Variants in CTR9 observed in about 807,000 individuals in gnomAD.
CTR9 encodes CTR9 component of Paf1/RNA polymerase II complex.
In CTR9, 41 loss-of-function variants were observed where a neutral mutation model predicts 152.1. The ratio of observed to expected loss-of-function variants is 0.27; its 90% CI spans 0.21 to 0.35. CTR9 has a LOEUF of 0.35. Ranked by LOEUF, CTR9 falls within the 10% of genes least tolerant of loss-of-function variation. The pLI is 1.00. For synonymous variants in CTR9, 476 were observed against 496.2 expected (o/e 0.96, Z 0.54); for missense variants, 917 against 1,424.4 (o/e 0.64, Z 5.73).
intron 12 of CTR9, among the ~76,000 whole-genome samples, chr11:10,765,731 G>C (rs1863049381): frequency 6.6e-6 from 1 of 152,154 alleles, no homozygotes; most frequent in African/African-American, 2.4e-5. Context: ...CAAAGTGCTG[G>C]GATTATAGGC....
At chr11:10,776,487 A>G (rs543503277) in intron 24 of CTR9, among the ~76,000 whole-genome samples, 121 of 152,226 alleles carry the variant, frequency 7.9e-4, no homozygotes, top group South Asian at 1.7e-3. Context: ...GGATTTCTCA[A>G]CCAGGTCTCT....
rs144498813 is a variant in CTR9, at chr11:10,752,879, C to A, written c.144+109C>A. 2.5e-3 allele frequency: 2,013 copies of A among 808,758 alleles called. 32 individuals are homozygous for A. The African/African-American group carries it at 0.031, about 12-fold the overall frequency. 50.1% of individuals were successfully genotyped at this position (808,758 alleles called of 1,614,324 possible). ...TTGGCTGCATGGTAGATTAGTTATA[C>A]CATGTGTATGGAAGTTAATTGTGTT... On this transcript the variant is annotated intron_variant, in intron 2 of 24. Coordinates refer to ENST00000361367, the MANE Select transcript of CTR9 (RefSeq NM_014633.5).
chr11:10,763,989 C>T, intron 9 of CTR9, 110 bp downstream of exon 9: 1 of 1,329,988 alleles, frequency 7.5e-7, no homozygotes, highest in East Asian at 2.3e-5. Context: ...GTTTTGTTAG[C>T]TGAGCTTGTT....
rs1294822206 is a variant in CTR9, at chr11:10,767,796, T to C, written c.1687-10T>C. 6.2e-7 allele frequency: 1 copy of C among 1,613,594 alleles called. No individual in the cohort carries two copies. Among genetic ancestry groups the C allele is most frequent in the South Asian group, 1.1e-5 (1 of 91,012 alleles). On this transcript the variant is annotated splice_polypyrimidine_tract_variant and intron_variant, in intron 13 of 24. Coordinates refer to ENST00000361367, the MANE Select transcript of CTR9 (RefSeq NM_014633.5). This position sits in a 1 kb window ranked among gnomAD's most constrained non-coding sequence, Gnocchi z 4.0. ...TGCAGATTTTCCTTCTTCATGTATG[T>C]ATGTTTCAGGATCATCCAGATGCTT... is the stretch of plus-strand genomic sequence containing the variant.
In CTR9 at chr11:10,763,666, G is replaced by A; in HGVS notation, c.981G>A (p.Gln327=). The change falls in exon 9 of 25, where the codon CAG becomes CAA. Residue 327 remains glutamine, a synonymous_variant. Coordinates refer to ENST00000361367, the MANE Select transcript of CTR9 (RefSeq NM_014633.5). ...AGGAAGATTATGACCAAGCTTTTCA[G>A]TACTATTATCAAGCCACACAGTTTG... is the stretch of plus-strand genomic sequence containing the variant. ...HVQEDYDQAF[Q]YYYQATQFAS... 1 of 1,611,536 alleles carries A rather than the reference G, an allele frequency of 6.2e-7. No homozygotes were observed.
At chr11:10,756,414 C>T (rs1472930489) in intron 4 of CTR9, among the ~76,000 whole-genome samples, 1 of 152,142 alleles carries the variant, frequency 6.6e-6, no homozygotes, top group African/African-American at 2.4e-5. Flanking sequence ...CCACCCTCCA[C>T]CCTCCAAAAG....
At chr11:10,768,594 TG>T in intron 16 of CTR9, 103 bp downstream of exon 16, 1 of 1,146,678 alleles carries the variant, frequency 8.7e-7, no homozygotes, top group East Asian at 2.6e-5. Flanking sequence ...CTATCTCTTG[TG>T]ATACTGTGTC....
intron 24 of CTR9, among the ~76,000 whole-genome samples, chr11:10,776,906 G>T (rs1170803053): frequency 2.3e-5 from 3 of 132,796 alleles, no homozygotes; most frequent in African/African-American, 8.0e-5. Context: ...CGAGGAGGCA[G>T]AGGTTGAAGT....
At chr11:10,764,030 A>G in intron 9 of CTR9, 82 bp from the exon 10 acceptor site, 4 of 1,428,410 alleles carry the variant, frequency 2.8e-6, no homozygotes, top group Non-Finnish European at 2.9e-6. Context: ...TGGATTTATT[A>G]AACAGACTTA....
At chr11:10,770,781 T>TA (rs1437928724) in intron 18 of CTR9, 149 bp downstream of exon 18, 1 of 723,932 alleles carries the variant, frequency 1.4e-6, no homozygotes, top group African/African-American at 1.8e-5. Context: ...GGTGGTCTAT[T>TA]AGAATCATTC....
chr11:10,754,278 C>G (rs575793140), intron 2 of CTR9, among the ~76,000 whole-genome samples: 2 of 152,298 alleles, frequency 1.3e-5, no homozygotes, highest in African/African-American at 4.8e-5. Context: ...CCCAAGTTTT[C>G]TATTTAGAAT....
At position 10,779,005 on chromosome 11, in the gene CTR9, A is replaced by G; in HGVS notation, c.3422A>G (p.Glu1141Gly). 1 of 1,614,180 alleles carries G rather than the reference A, an allele frequency of 6.2e-7. No homozygotes were observed. Among genetic ancestry groups the G allele is most frequent in the Non-Finnish European group, 8.5e-7 (1 of 1,180,038 alleles). ...DHESERGSDN[E>G]GSGQGSGNES... is the part of the protein sequence containing the mutation. ...GAATCGGAGAGAGGATCTGATAATG[A>G]GGGTTCTGGCCAAGGCTCTGGAAAT... Residue 1141 changes from glutamate (E) to glycine (G), a missense_variant, in exon 25 of 25, where the codon GAG becomes GGG. Glu to Gly is a moderately conservative substitution (Grantham distance 98). Around this residue, in one of 9 missense-constraint regions of CTR9, gnomAD observed 384 missense variants for 398.4 expected, o/e 0.96. Transcript: ENST00000361367.
In CTR9 at chr11:10,779,399, A is replaced by G. The variant is rs751866302; in HGVS notation, c.*294A>G. ...AATCATTCCTACAAAGGTTTGACTG[A>G]AACTGTGGCAGATGTCTCATCTTCT... On this transcript the variant is annotated 3_prime_UTR_variant, in exon 25 of 25. Coordinates refer to ENST00000361367, the MANE Select transcript of CTR9 (RefSeq NM_014633.5). The G allele has an allele frequency of 5.2e-5, 15 of 288,300 alleles. No individual in the cohort carries two copies. Among genetic ancestry groups the G allele is most frequent in the Admixed American group, 1.9e-4 (4 of 20,982 alleles). The allele number at this position is 288,300 out of a possible 1,614,324, so 17.9% of individuals were successfully genotyped here.
At chr11:10,770,101 G>A (rs2135378153) in intron 16 of CTR9, 109 bp from the exon 17 acceptor site, 2 of 689,846 alleles carry the variant, frequency 2.9e-6, no homozygotes, top group East Asian at 2.9e-5. Flanking sequence ...CATTCAAAGG[G>A]TAAAACACCT....
intron 6 of CTR9, among the ~76,000 whole-genome samples, chr11:10,761,190 A>T (rs895288432): frequency 6.6e-6 from 1 of 152,160 alleles, no homozygotes; most frequent in East Asian, 1.9e-4. Flanking sequence ...TCCAATTGTG[A>T]TAACCAAACA....
chr11:10,771,458 CTT>C, intron 18 of CTR9, 85 bp from the exon 19 acceptor site: 3 of 951,188 alleles, frequency 3.2e-6, no homozygotes, highest in Non-Finnish European at 4.9e-6. Flanking sequence ...TTTTCTCAGA[CTT>C]TGTAGCACAG....
intron 24 of CTR9, 41 bp downstream of exon 24, chr11:10,775,674 A>G (rs767255325): frequency 5.0e-5 from 68 of 1,351,394 alleles, no homozygotes; most frequent in Middle Eastern, 1.8e-4. Context: ...CATGATGTAG[A>G]TAAATCAAAA....
intron 1 of CTR9, 115 bp from the exon 2 acceptor site, chr11:10,752,557 A>C: frequency 1.4e-6 from 1 of 712,990 alleles, no homozygotes; most frequent in East Asian, 2.5e-5. Context: ...AACCGTATTG[A>C]AAGTGAACAC....
At position 10,778,931 on chromosome 11, in the gene CTR9, T is replaced by A; in HGVS notation, c.3348T>A (p.Val1116=). The change falls in exon 25 of 25, where the codon GTT becomes GTA. Residue 1116 remains valine, a synonymous_variant. Transcript: ENST00000361367. ...AGTCAGGGAGAAGCCACTCAGGAGTTTCTGAGAACGACTCTCGCCCAGCTT... is the reference window on the plus strand; with the variant it reads ...AGTCAGGGAGAAGCCACTCAGGAGTATCTGAGAACGACTCTCGCCCAGCTT... ...SVQSGRSHSG[V]SENDSRPASP... 6.2e-7 allele frequency: 1 copy of A among 1,614,168 alleles called. No individual in the cohort carries two copies. Among genetic ancestry groups the A allele is most frequent in the Non-Finnish European group, 8.5e-7 (1 of 1,180,030 alleles).
Sources: allele counts gnomAD v4.1 joint callset (sites outside exome capture counted in the v4.1 genomes callset), GRCh38; gene constraint gnomAD v4.1.1; regional missense constraint gnomAD v4.1.1; non-coding constraint Gnocchi (gnomAD v3.1); transcripts MANE v1.5; gene names NCBI Gene and HGNC (gene_info 2026-07-23, HGNC 2026-07-21).